The following ADCY10 variants were observed in gnomAD, a reference collection of about 807,000 sequenced individuals.
ADCY10 encodes the protein adenylate cyclase 10.
Under a neutral mutation model 183.3 loss-of-function variants are expected in ADCY10, and 156 were observed. That is an observed-to-expected ratio of 0.85 (90% CI 0.75 to 0.97). The LOEUF is 0.97. Among genes scored for constraint, ADCY10 ranks in the 50% least tolerant of loss-of-function variants. The pLI, the probability that ADCY10 is intolerant of heterozygous loss-of-function variation, is 0.00. For missense variants in ADCY10, 1,745 were observed against 1,934.3 expected, an observed-to-expected ratio of 0.90 and a Z score of 1.84; for synonymous variants, 645 against 670.0, an observed-to-expected ratio of 0.96 and a Z score of 0.58.
intron 6 of ADCY10, among the ~76,000 whole-genome samples, chr1:167,897,118 G>C (rs534113110): frequency 2.6e-5 from 4 of 151,372 alleles, no homozygotes; most frequent in Admixed American, 1.3e-4. Context: ...AAGATCATGA[G>C]ACACATGTGA....
At chr1:167,848,690 G>A (rs564940681) in intron 18 of ADCY10, among the ~76,000 whole-genome samples, 8 of 151,444 alleles carry the variant, frequency 5.3e-5, no homozygotes, top group South Asian at 2.1e-4. Context: ...TCTCACTGTC[G>A]CCCAGGCTGG....
chr1:167,824,831 A>T lies in ADCY10; in HGVS notation c.3775T>A (p.Ser1259Thr). ...TAGCCAGCCAGGTGGTGGTATAGCGAATAGTCTAGGTAAGCCTTAATGATC... is the reference window on the plus strand; with the variant it reads ...TAGCCAGCCAGGTGGTGGTATAGCGTATAGTCTAGGTAAGCCTTAATGATC... ...FQIIKAYLDY[S>T]LYHHLAGYKG... Residue 1259 changes from serine (S) to threonine (T), a missense_variant, in exon 27 of 33, where the codon TCG (serine) becomes ACG (threonine). Transcript: ENST00000367851. 1 of 1,614,262 alleles carries T rather than the reference A, an allele frequency of 6.2e-7. No individual in the cohort carries two copies. The highest frequency in any genetic ancestry group is 2.2e-5 in the East Asian group (1 of 44,890).
chr1:167,812,145 T>C (rs528559715), intron 31 of ADCY10, among the ~76,000 whole-genome samples: 1 of 152,346 alleles, frequency 6.6e-6, no homozygotes, highest in African/African-American at 2.4e-5. Context: ...ATCAGGGATC[T>C]GTGCTCTGAT....
At chr1:167,833,206 G>A (rs1663902932) in intron 24 of ADCY10, 44 bp from the exon 25 acceptor site, 2 of 1,571,034 alleles carry the variant, frequency 1.3e-6, no homozygotes, top group African/African-American at 2.7e-5. Flanking sequence ...GGAAAACGAT[G>A]ATTCTAACTT....
intron 16 of ADCY10, among the ~76,000 whole-genome samples, chr1:167,856,873 AC>A (rs948879326): frequency 5.3e-5 from 8 of 152,138 alleles, no homozygotes; most frequent in Non-Finnish European, 8.8e-5. Context: ...CTTACTGAGC[AC>A]CCCCTGGGCT....
intron 6 of ADCY10, 78 bp downstream of exon 6, chr1:167,899,345 G>A (rs961657542): frequency 1.8e-5 from 25 of 1,410,688 alleles, no homozygotes; most frequent in Middle Eastern, 1.9e-4. Flanking sequence ...TGAAACCAGC[G>A]TGCCCAGTGA....
At chr1:167,885,803 AC>A (rs1045265369) in intron 8 of ADCY10, among the ~76,000 whole-genome samples, 21 of 151,936 alleles carry the variant, frequency 1.4e-4, no homozygotes, top group Non-Finnish European at 7.4e-5. Context: ...TTTAGTAGAG[AC>A]GGGGTTTCAC....
At chr1:167,842,213 C>T (rs376421172) in intron 21 of ADCY10, among the ~76,000 whole-genome samples, 10 of 152,276 alleles carry the variant, frequency 6.6e-5, no homozygotes, top group African/African-American at 2.4e-4. Flanking sequence ...GATCACGGCT[C>T]ACTGCATCCT....
chr1:167,882,959 C>G (rs1296199450), intron 9 of ADCY10, among the ~76,000 whole-genome samples: 1 of 152,232 alleles, frequency 6.6e-6, no homozygotes, highest in Non-Finnish European at 1.5e-5. Context: ...GTCCTGAGAA[C>G]AGTGCCTGGC....
chr1:167,878,144 T>A lies in ADCY10; in HGVS notation c.1406+302A>T, dbSNP rs76243091. Among the ~76,000 whole-genome samples the A allele has an allele frequency of 9.2e-3, 1,395 of 152,290 alleles. 11 individuals are homozygous for A. Among genetic ancestry groups the A allele is most frequent in the Non-Finnish European group, 0.015 (999 of 68,022 alleles). ...TAAATAATATTAAATGGTTGGTGAT[T>A]GGGCCCATTTGGGTGCAAATAGATA... On this transcript the variant is annotated intron_variant, in intron 12 of 32. Coordinates refer to ENST00000367851, the MANE Select transcript of ADCY10 (RefSeq NM_018417.6).
At chr1:167,826,183 C>T (rs1188955980) in intron 26 of ADCY10, among the ~76,000 whole-genome samples, 1 of 152,198 alleles carries the variant, frequency 6.6e-6, no homozygotes, top group Non-Finnish European at 1.5e-5. Flanking sequence ...GAACATGTTC[C>T]AGATAATGCT....
intron 2 of ADCY10, 59 bp downstream of exon 2, chr1:167,904,934 G>A (rs1264288104): frequency 6.2e-7 from 1 of 1,612,724 alleles, no homozygotes; most frequent in South Asian, 1.1e-5. Flanking sequence ...CTCTGCATGT[G>A]AATTCCCACG....
chr1:167,857,720 G>A (rs1038825723), intron 16 of ADCY10, among the ~76,000 whole-genome samples: 5 of 152,168 alleles, frequency 3.3e-5, no homozygotes, highest in African/African-American at 1.2e-4. Flanking sequence ...TCCATATAAA[G>A]TGGTACTATT....
intron 16 of ADCY10, among the ~76,000 whole-genome samples, chr1:167,859,076 G>A (rs566738605): frequency 2.6e-5 from 4 of 152,272 alleles, no homozygotes; most frequent in East Asian, 1.9e-4. Flanking sequence ...TGAAATCAAG[G>A]ATCAGGATCA....
intron 16 of ADCY10, 112 bp from the exon 17 acceptor site, chr1:167,856,551 G>A (rs1445728031): frequency 9.8e-6 from 10 of 1,022,772 alleles, no homozygotes; most frequent in African/African-American, 3.2e-5. Flanking sequence ...TTATGATGCA[G>A]CGAAAGAACT....
chr1:167,896,942 C>G (rs1407936982), intron 6 of ADCY10, among the ~76,000 whole-genome samples: 4 of 152,168 alleles, frequency 2.6e-5, no homozygotes, highest in Non-Finnish European at 5.9e-5. Flanking sequence ...GGGGACTAAT[C>G]TTATACTTTT....
chr1:167,904,716 T>C (rs1201038130), intron 2 of ADCY10: 1 of 608,396 alleles, frequency 1.6e-6, no homozygotes, highest in Non-Finnish European at 2.9e-6. Flanking sequence ...CTGGAGAGGA[T>C]GAGTCAGTGA....
At chr1:167,815,545 A>G (rs1178615535) in intron 31 of ADCY10, among the ~76,000 whole-genome samples, 1 of 152,200 alleles carries the variant, frequency 6.6e-6, no homozygotes, top group Non-Finnish European at 1.5e-5. Context: ...AGGACTGTAG[A>G]ATGCTTTCCC....
intron 28 of ADCY10, 41 bp downstream of exon 28, chr1:167,824,435 C>G (rs1374561099): frequency 6.5e-7 from 1 of 1,539,516 alleles, no homozygotes; most frequent in Admixed American, 1.7e-5. Context: ...AATAATACGG[C>G]CTCCTCCCCC....
Sources: gnomAD v4.1 joint callset for allele counts (sites outside exome capture counted in the v4.1 genomes callset) on GRCh38, gnomAD v4.1.1 for gene constraint, MANE v1.5 for transcripts, NCBI Gene and HGNC (gene_info 2026-07-23, HGNC 2026-07-21) for gene names.